Variants in CNTN5 observed in about 807,000 individuals in gnomAD.
The protein encoded by CNTN5 is contactin-5.
In CNTN5, 77 loss-of-function variants were observed where a neutral mutation model predicts 129.1. The ratio of observed to expected loss-of-function variants is 0.60; its 90% CI spans 0.50 to 0.72. The LOEUF (loss-of-function observed/expected upper bound fraction) is 0.72. Among genes scored for constraint, CNTN5 ranks in the 30% least tolerant of loss-of-function variants. The pLI, the probability that CNTN5 is intolerant of heterozygous loss-of-function variation, is 0.00. For missense variants in CNTN5, 1,478 were observed against 1,328.8 expected (o/e 1.11, Z -1.75); for synonymous variants, 509 against 465.6 (o/e 1.09, Z -1.20).
intron 13 of CNTN5, among the ~76,000 whole-genome samples, chr11:100,109,521 A>G (rs1157430203): frequency 6.6e-6 from 1 of 152,326 alleles, no homozygotes; most frequent in African/African-American, 2.4e-5. Context: ...CCTGGCAACT[A>G]TCTCTTCCAC....
rs545566059 is a variant in CNTN5, at chr11:100,195,302, T to C, written c.1884+1639T>C. On this transcript the variant is annotated intron_variant, in intron 15 of 24. Coordinates refer to ENST00000524871, the MANE Select transcript of CNTN5 (RefSeq NM_014361.4). ...CCCCTCTTCTTATAAGTAATCCCTC[T>C]CTTTATTTTACAATACCAATATAAA... 2.6e-5 allele frequency among the ~76,000 whole-genome samples: 4 copies of C among 152,164 alleles called. No individual in the cohort carries two copies. In the East Asian group the frequency reaches 7.7e-4, roughly 29 times the overall value.
intron 21 of CNTN5, chr11:100,337,464 T>G: frequency 1.3e-6 from 1 of 747,538 alleles, no homozygotes; most frequent in Non-Finnish European, 2.5e-6. Flanking sequence ...TGTGATTAAG[T>G]CTTACCCAAG....
chr11:99,774,043 C>G (rs1354092736), intron 3 of CNTN5, among the ~76,000 whole-genome samples: 1 of 152,036 alleles, frequency 6.6e-6, no homozygotes, highest in African/African-American at 2.4e-5. Context: ...TTCTCTTAGT[C>G]TTTATGGACT....
intron 1 of CNTN5, among the ~76,000 whole-genome samples, chr11:99,132,257 C>T (rs573458741): frequency 6.6e-6 from 1 of 151,602 alleles, no homozygotes; most frequent in African/African-American, 2.4e-5. Context: ...GAACATACCT[C>T]AAAACAAGAG....
chr11:99,339,276 G>A (rs1324830622), intron 2 of CNTN5, among the ~76,000 whole-genome samples: 3 of 152,020 alleles, frequency 2.0e-5, no homozygotes, highest in Non-Finnish European at 4.4e-5. Context: ...AAATTAAAAT[G>A]CAAAATATTT....
At chr11:99,643,087 T>G (rs75513228) in intron 3 of CNTN5, among the ~76,000 whole-genome samples, 1,624 of 152,324 alleles carry the variant, frequency 0.011, 36 homozygotes, top group African/African-American at 0.036. Flanking sequence ...TGTGGAACAC[T>G]GATTTTATTT....
At chr11:99,820,842 C>T (rs772560653) in intron 4 of CNTN5, among the ~76,000 whole-genome samples, 4 of 152,174 alleles carry the variant, frequency 2.6e-5, no homozygotes, top group Non-Finnish European at 5.9e-5. Context: ...AAAGAATAAA[C>T]ATTCAAAGAT....
intron 1 of CNTN5, among the ~76,000 whole-genome samples, chr11:99,099,186 G>A (rs1026522068): frequency 6.6e-6 from 1 of 152,030 alleles, no homozygotes; most frequent in Admixed American, 6.6e-5. Flanking sequence ...TTATGAGTAG[G>A]CATTTATCTC....
At chr11:100,165,583 T>C (rs1947603610) in intron 13 of CNTN5, among the ~76,000 whole-genome samples, 1 of 151,804 alleles carries the variant, frequency 6.6e-6, no homozygotes, top group African/African-American at 2.4e-5. Flanking sequence ...CAAAAATTAA[T>C]TGGGTTACCT....
At chr11:99,753,245 C>T (rs1430858564) in intron 3 of CNTN5, among the ~76,000 whole-genome samples, 1 of 150,536 alleles carries the variant, frequency 6.6e-6, no homozygotes, top group Non-Finnish European at 1.5e-5. Flanking sequence ...GCCTCAGCCT[C>T]CCGAGTAGCT....
intron 13 of CNTN5, among the ~76,000 whole-genome samples, chr11:100,122,732 T>C (rs79485459): frequency 0.082 from 12,503 of 151,744 alleles, 647 homozygotes; most frequent in Non-Finnish European, 0.12. Flanking sequence ...AGAGGGGAGG[T>C]CAGAGCCAAG....
intron 2 of CNTN5, among the ~76,000 whole-genome samples, chr11:99,547,102 C>A (rs1697349599): frequency 6.7e-6 from 1 of 148,860 alleles, no homozygotes. Context: ...TCCCTGGGTT[C>A]AAGCGATTCT....
At chr11:100,255,957 G>GGC (rs779265348) in intron 17 of CNTN5, 39 bp downstream of exon 17, 425 of 1,588,078 alleles carry the variant, frequency 2.7e-4, no homozygotes, top group Middle Eastern at 3.4e-4. Flanking sequence ...TAACCAGAGT[G>GGC]GCCTTCTATC....
intron 3 of CNTN5, among the ~76,000 whole-genome samples, chr11:99,753,643 T>C (rs1944310347): frequency 1.6e-5 from 2 of 124,326 alleles, no homozygotes; most frequent in Admixed American, 8.7e-5. Context: ...TCTGTCCAAA[T>C]TTTTACTGAA....
chr11:99,580,578 A>T (rs891881757), intron 3 of CNTN5, among the ~76,000 whole-genome samples: 6 of 152,092 alleles, frequency 3.9e-5, no homozygotes, highest in African/African-American at 1.4e-4. Flanking sequence ...TGTGCCGAGG[A>T]ATTTATCCAT....
At chr11:99,172,139 C>T (rs1039793586) in intron 1 of CNTN5, among the ~76,000 whole-genome samples, 1 of 152,136 alleles carries the variant, frequency 6.6e-6, no homozygotes, top group African/African-American at 2.4e-5. Flanking sequence ...TTTGGATAAC[C>T]GTTGCAGTTC....
chr11:99,035,286 C>A (rs1863654916), intron 1 of CNTN5, among the ~76,000 whole-genome samples: 1 of 149,302 alleles, frequency 6.7e-6, no homozygotes, highest in African/African-American at 2.4e-5. Flanking sequence ...TCTATTAGGT[C>A]CGCTTGGTGC....
intron 1 of CNTN5, among the ~76,000 whole-genome samples, chr11:99,244,532 G>A (rs1237785852): frequency 6.6e-6 from 1 of 152,056 alleles, no homozygotes; most frequent in African/African-American, 2.4e-5. Flanking sequence ...TGACCTCTCT[G>A]TAATAACTCT....
chr11:99,526,433 C>T (rs187932603), intron 2 of CNTN5, among the ~76,000 whole-genome samples: 157 of 152,230 alleles, frequency 1.0e-3, no homozygotes, highest in Non-Finnish European at 1.4e-3. Context: ...CCGAGAAGTC[C>T]GGAACTGGCT....
Sources: allele counts gnomAD v4.1 joint callset (sites outside exome capture counted in the v4.1 genomes callset), GRCh38; gene constraint gnomAD v4.1.1; transcripts MANE v1.5; gene names NCBI Gene and HGNC (gene_info 2026-07-23, HGNC 2026-07-21).